GALNTL6: variants seen among roughly 807,000 people sequenced by gnomAD.
The protein encoded by GALNTL6 is polypeptide N-acetylgalactosaminyltransferase-like 6.
GALNTL6 carries 46 observed loss-of-function variants against 73.7 expected under a neutral mutation model. That is an observed-to-expected ratio of 0.62 (90% CI 0.49 to 0.80). The LOEUF is 0.80. Among genes scored for constraint, GALNTL6 ranks in the 30% least tolerant of loss-of-function variants. GALNTL6 has a pLI of 0.00. For missense variants in GALNTL6, 604 were observed against 755.0 expected (o/e 0.80, Z 2.34); for synonymous variants, 259 against 263.7 (o/e 0.98, Z 0.17).
chr4:172,861,427 G>T lies in GALNTL6; in HGVS notation c.924-21363G>T, dbSNP rs185070365. Among the ~76,000 whole-genome samples the T allele has an allele frequency of 2.1e-3, 320 of 151,376 alleles. 4 individuals carry two copies. In the South Asian group the frequency reaches 0.023, roughly 11 times the overall value. On this transcript the variant is annotated intron_variant, in intron 7 of 12. Coordinates refer to ENST00000506823, the MANE Select transcript of GALNTL6 (RefSeq NM_001034845.3). ...ACTTTCACTTCCTTGATTAATCCAG[G>T]TATAGATCATAAGGACTTGAATAAG...
intron 2 of GALNTL6, among the ~76,000 whole-genome samples, chr4:172,019,073 C>G (rs1023772028): frequency 6.6e-6 from 1 of 151,826 alleles, no homozygotes; most frequent in Non-Finnish European, 1.5e-5. Flanking sequence ...TTTGGGAACT[C>G]ACAGTTTTTC....
intron 2 of GALNTL6, among the ~76,000 whole-genome samples, chr4:171,878,354 G>A (rs1186954410): frequency 6.6e-6 from 1 of 152,146 alleles, no homozygotes; most frequent in Non-Finnish European, 1.5e-5. Context: ...TGTTTTGACA[G>A]TTTTGTTATA....
At chr4:171,864,591 A>T (rs192186139) in intron 2 of GALNTL6, among the ~76,000 whole-genome samples, 4 of 152,312 alleles carry the variant, frequency 2.6e-5, no homozygotes, top group Non-Finnish European at 5.9e-5. Context: ...TTTACTTTGG[A>T]TACCTAGGTT....
chr4:172,303,403 G>A (rs1740010519), intron 3 of GALNTL6, among the ~76,000 whole-genome samples: 1 of 152,102 alleles, frequency 6.6e-6, no homozygotes, highest in East Asian at 1.9e-4. Context: ...TACCTTTCTG[G>A]TTATGTCTGT....
At chr4:172,444,055 G>A (rs1731933458) in intron 5 of GALNTL6, among the ~76,000 whole-genome samples, 1 of 152,224 alleles carries the variant, frequency 6.6e-6, no homozygotes, top group South Asian at 2.1e-4. Context: ...GCCAGTAAGA[G>A]ACAATCAGTG....
chr4:172,747,467 A>G (rs1737173749), intron 5 of GALNTL6, among the ~76,000 whole-genome samples: 1 of 152,152 alleles, frequency 6.6e-6, no homozygotes, highest in Non-Finnish European at 1.5e-5. Context: ...CTATAAGAAG[A>G]TATCACCTCA....
chr4:172,454,943 G>A (rs1732336437), intron 5 of GALNTL6, among the ~76,000 whole-genome samples: 2 of 152,124 alleles, frequency 1.3e-5, no homozygotes, highest in South Asian at 4.1e-4. Context: ...AATAGGAACA[G>A]CTCCAGTCTG....
intron 5 of GALNTL6, among the ~76,000 whole-genome samples, chr4:172,526,538 A>G (rs1341975152): frequency 6.6e-6 from 1 of 152,160 alleles, no homozygotes; most frequent in East Asian, 1.9e-4. Flanking sequence ...TATAGCATCT[A>G]TATATTCACA....
chr4:172,591,879 G>A (rs1405282179), intron 5 of GALNTL6, among the ~76,000 whole-genome samples: 2 of 152,170 alleles, frequency 1.3e-5, no homozygotes, highest in African/African-American at 4.8e-5. Flanking sequence ...GCTGGAAAAT[G>A]TAGTTTTGAC....
chr4:171,838,897 A>G (rs937797473), intron 2 of GALNTL6, among the ~76,000 whole-genome samples: 4 of 152,172 alleles, frequency 2.6e-5, no homozygotes, highest in Admixed American at 2.0e-4. Context: ...GCTGCTGTGC[A>G]GGGCTGGAGC....
chr4:171,853,101 G>A (rs973320416), intron 2 of GALNTL6, among the ~76,000 whole-genome samples: 3 of 143,646 alleles, frequency 2.1e-5, no homozygotes, highest in African/African-American at 7.8e-5. Context: ...CTGACCTCGT[G>A]ATCCGCCCGC....
intron 9 of GALNTL6, among the ~76,000 whole-genome samples, chr4:172,942,218 TA>T (rs1277657826): frequency 3.3e-5 from 5 of 152,240 alleles, no homozygotes; most frequent in Non-Finnish European, 7.3e-5. Context: ...ATATAATTTG[TA>T]ATCTAAGACC....
intron 10 of GALNTL6, among the ~76,000 whole-genome samples, chr4:172,975,251 C>A (rs980707542): frequency 6.6e-6 from 1 of 152,202 alleles, no homozygotes; most frequent in Non-Finnish European, 1.5e-5. Flanking sequence ...TAGCTCCTAT[C>A]TGCAGGCAGG....
rs1383294464 is a variant in GALNTL6, at chr4:172,318,562, C to T, written c.386+6810C>T. On this transcript the variant is annotated intron_variant, in intron 4 of 12. Coordinates refer to ENST00000506823, the MANE Select transcript of GALNTL6 (RefSeq NM_001034845.3). ...CTAAAAATAGAAAAAATTAGCTGGG[C>T]GTGGTGGTGGGCGCCTGTAATCCCA... is the stretch of plus-strand genomic sequence containing the variant. Among the ~76,000 whole-genome samples the T allele has an allele frequency of 3.3e-5, 5 of 151,958 alleles. No homozygotes were observed. In the East Asian group the frequency reaches 5.8e-4, roughly 18 times the overall value.
intron 2 of GALNTL6, among the ~76,000 whole-genome samples, chr4:172,212,969 C>A (rs1471866348): frequency 6.6e-6 from 1 of 152,166 alleles, no homozygotes; most frequent in Non-Finnish European, 1.5e-5. Context: ...CCACGCCCGG[C>A]CAACCACTGA....
At chr4:172,305,409 C>G (rs1740094169) in intron 3 of GALNTL6, among the ~76,000 whole-genome samples, 1 of 151,958 alleles carries the variant, frequency 6.6e-6, no homozygotes, top group South Asian at 2.1e-4. Context: ...ACCTTTCATA[C>G]TAATTTGAAC....
intron 10 of GALNTL6, among the ~76,000 whole-genome samples, chr4:172,970,113 CA>C (rs1750507594): frequency 6.6e-6 from 1 of 151,522 alleles, no homozygotes; most frequent in Non-Finnish European, 1.5e-5. Context: ...CTTCAAAGGG[CA>C]AAAAAGGAGA....
rs1736352885 is a variant in GALNTL6 at position 172,561,268 on chromosome 4, A to AG, written c.553+212579_553+212580insG. On this transcript the variant is annotated intron_variant, in intron 5 of 12. Coordinates refer to ENST00000506823, the MANE Select transcript of GALNTL6 (RefSeq NM_001034845.3). ...GAGAGAGACTCCGTCTCAAAAAAAA[A>AG]AAAAAAAAAAAAAAAAATATTGCCC... Among the ~76,000 whole-genome samples, 3 of 150,498 alleles carry AG rather than the reference A, an allele frequency of 2.0e-5. No homozygotes were observed. The South Asian group carries it at 6.3e-4, about 32-fold the overall frequency.
chr4:172,974,276 T>A (rs980765459), intron 10 of GALNTL6, among the ~76,000 whole-genome samples: 2 of 152,188 alleles, frequency 1.3e-5, no homozygotes, highest in Non-Finnish European at 2.9e-5. Flanking sequence ...GACAAGATGC[T>A]GTATAATAGA....
Sources: allele counts gnomAD v4.1 joint callset (sites outside exome capture counted in the v4.1 genomes callset), GRCh38; gene constraint gnomAD v4.1.1; transcripts MANE v1.5; gene names NCBI Gene and HGNC (gene_info 2026-07-23, HGNC 2026-07-21).